The following PML variants were observed in gnomAD, a reference collection of about 807,000 sequenced individuals.
PML encodes protein PML.
In PML, 28 loss-of-function variants were observed where a neutral mutation model predicts 65.2. The ratio of observed to expected loss-of-function variants is 0.43; its 90% CI spans 0.32 to 0.59. PML has a LOEUF of 0.59. Among genes scored for constraint, PML ranks in the 20% least tolerant of loss-of-function variants. PML has a pLI of 0.08. For missense variants in PML, 1,021 were observed against 1,203.4 expected (o/e 0.85, Z 2.24); for synonymous variants, 500 against 508.8 (o/e 0.98, Z 0.23).
chr15:74,022,867 G>C lies in PML; in HGVS notation c.642G>C (p.Ser214=), dbSNP rs1465800315. The change falls in exon 3 of 9, where the codon TCG becomes TCC. Residue 214 remains serine, a synonymous_variant. Coordinates refer to ENST00000268058, the MANE Select transcript of PML (RefSeq NM_033238.3). ...GATGTTCCAAGCCGCTGTGCTGCTC[G>C]TGCGCGCTCCTTGACAGCAGCCACA... The part of the protein sequence containing the change: ...CRGCSKPLCC[S]CALLDSSHSE... The C allele has an allele frequency of 7.4e-6, 12 of 1,613,810 alleles. No homozygotes were observed. Among genetic ancestry groups the C allele is most frequent in the South Asian group, 1.1e-5 (1 of 91,018 alleles).
At chr15:74,004,304 T>C (rs970384072) in intron 2 of PML, among the ~76,000 whole-genome samples, 1 of 152,064 alleles carries the variant, frequency 6.6e-6, no homozygotes. Context: ...TTTTCATTTG[T>C]TTATTTGTTT....
chr15:73,998,124 T>C lies in PML; in HGVS notation c.250T>C (p.Ser84Pro). 1.2e-6 allele frequency: 2 copies of C among 1,614,042 alleles called. No individual in the cohort carries two copies. The highest frequency in any genetic ancestry group is 1.7e-6 in the Non-Finnish European group (2 of 1,180,022). Residue 84 changes from serine (S) to proline (P), a missense_variant, in exon 2 of 9, where the codon TCG becomes CCG. Ser to Pro is a moderately conservative substitution (Grantham distance 74). Coordinates refer to ENST00000268058, the MANE Select transcript of PML (RefSeq NM_033238.3). The part of the protein sequence containing the change: ...HTLCSGCLEA[S>P]GMQCPICQAP... ...GCTGTGCTCAGGATGCCTGGAGGCG[T>C]CGGGCATGCAGTGCCCCATCTGCCA...
chr15:74,040,765 C>A (rs2071679250), intron 7 of PML, among the ~76,000 whole-genome samples: 1 of 152,206 alleles, frequency 6.6e-6, no homozygotes, highest in Non-Finnish European at 1.5e-5. Flanking sequence ...TGAGTCAGGG[C>A]TGAAAGGTCC....
chr15:74,037,755 T>G lies in PML; in HGVS notation c.1710+3225T>G, dbSNP rs2071604790. On this transcript the variant is annotated intron_variant, in intron 7 of 8. Transcript: ENST00000268058. The surrounding 1 kb of genome is among the most constrained non-coding windows in gnomAD (Gnocchi z 4.2). The stretch of plus-strand genomic sequence containing the variant: ...ACTCCTCCCTCTCCTCTGCAGGCTC[T>G]GTTTTTTCTTGGTTGTGGTGCTCCT... 1 of 976,786 alleles carries G rather than the reference T, an allele frequency of 1.0e-6. No individual in the cohort carries two copies. The allele number at this position is 976,786 out of a possible 1,614,324, so 60.5% of individuals were successfully genotyped here.
At chr15:74,015,731 A>T (rs2070542450) in intron 2 of PML, among the ~76,000 whole-genome samples, 1 of 152,204 alleles carries the variant, frequency 6.6e-6, no homozygotes, top group African/African-American at 2.4e-5. Context: ...CAATGACTAC[A>T]TAGCACTGTG....
Position 74,044,836 on chromosome 15 carries a change from A to G in PML, c.2477A>G (p.Tyr826Cys), listed in dbSNP as rs373296015. Reference protein sequence around the residue: ...RQGGLKKYSRYLSLQTTTLPP... With the variant: ...RQGGLKKYSRCLSLQTTTLPP... ...GGGGGCCTGAAGAAGTACAGCCGCT[A>G]TCTAAGCCTGCAGACCACCACGTTG... The change falls in exon 9 of 9, where the codon TAT becomes TGT. Residue 826 changes from tyrosine to cysteine, a missense_variant. By Grantham distance (194) the Tyr-to-Cys change is radical (BLOSUM62 -2). Coordinates refer to ENST00000268058, the MANE Select transcript of PML (RefSeq NM_033238.3). 6 of 1,613,204 alleles carry G rather than the reference A, an allele frequency of 3.7e-6. No homozygotes were observed. The highest frequency in any genetic ancestry group is 1.1e-5 in the South Asian group (1 of 91,086).
Position 74,044,598 on chromosome 15 carries a change from G to T in PML, c.2239G>T (p.Val747Leu). The T allele has an allele frequency of 6.2e-7, 1 of 1,608,698 alleles. No individual in the cohort carries two copies. The change falls in exon 9 of 9, where the codon GTG becomes TTG. Residue 747 changes from valine (V) to leucine (L), a missense_variant. Val to Leu is a conservative substitution (Grantham distance 32). Transcript: ENST00000268058. ...NMSERSAMAA[V>L]LAMRDLCRLL... is the part of the protein sequence containing the mutation. ...GAGCGAGCGCAGCGCCATGGCTGCC[G>T]TGCTGGCCATGCGTGACCTGTGCCG... is the stretch of plus-strand genomic sequence containing the variant.
In PML at chr15:74,044,423, C is replaced by T. The variant is rs1252422504; in HGVS notation, c.2064C>T (p.Phe688=). ...GGGGGCCTGGCCTCCCAAACTTCTT[C>T]CGGGCCCTGGAGGACATTAACAGGC... The part of the protein sequence containing the change: ...KLWGPGLPNF[F]RALEDINRLW... The change falls in exon 9 of 9, where the codon TTC becomes TTT. Residue 688 remains phenylalanine, a synonymous_variant. Transcript: ENST00000268058. 6.2e-7 allele frequency: 1 copy of T among 1,614,228 alleles called. No homozygotes were observed. Among genetic ancestry groups the T allele is most frequent in the Non-Finnish European group, 8.5e-7 (1 of 1,180,036 alleles).
At chr15:74,001,726 T>A (rs1214670407) in intron 2 of PML, among the ~76,000 whole-genome samples, 1 of 152,222 alleles carries the variant, frequency 6.6e-6, no homozygotes, top group Non-Finnish European at 1.5e-5. Flanking sequence ...AGTGTTCTCA[T>A]AGTCAATCAT....
chr15:74,042,847 T>C lies in PML; in HGVS notation c.1711-142T>C. On this transcript the variant is annotated intron_variant, in intron 7 of 8. Transcript: ENST00000268058. This position sits in a 1 kb window ranked among gnomAD's most constrained non-coding sequence, Gnocchi z 5.3. ...CCATTCATGCACACATACCTTCTCT[T>C]GTGCACACGTCCCCTTTCCCAGTGG... 6.4e-7 allele frequency: 1 copy of C among 1,554,980 alleles called. No homozygotes were observed. Among genetic ancestry groups the C allele is most frequent in the Non-Finnish European group, 8.6e-7 (1 of 1,157,126 alleles).
chr15:73,994,732 C>G lies in PML; in HGVS notation c.-81C>G. 1.4e-6 allele frequency: 2 copies of G among 1,470,488 alleles called. No homozygotes were observed. Among genetic ancestry groups the G allele is most frequent in the Middle Eastern group, 1.9e-4 (1 of 5,234 alleles). The allele number at this position is 1,470,488 out of a possible 1,614,324, so 91.1% of individuals were successfully genotyped here. A position where few individuals can be genotyped will look rare whatever the true frequency, so the allele number is the denominator to read the frequency against. The stretch of plus-strand genomic sequence containing the variant: ...CTTTCGGACAGCTCAAGGGACTCAG[C>G]CAACTGGCTCACGCCTCCCCTTCAG... On this transcript the variant is annotated 5_prime_UTR_variant, in exon 1 of 9. Transcript: ENST00000268058.
At position 74,047,764 on chromosome 15, in the gene PML, A is replaced by G. The variant is rs1455148295; in HGVS notation, c.*2756A>G. 1.1e-5 allele frequency: 2 copies of G among 183,832 alleles called. No individual in the cohort carries two copies. The highest frequency in any genetic ancestry group is 4.7e-5 in the African/African-American group (2 of 42,624). The allele number at this position is 183,832 out of a possible 1,614,324, so 11.4% of individuals were successfully genotyped here. A position where few individuals can be genotyped will look rare whatever the true frequency, so the allele number is the denominator to read the frequency against. ...CACAAATTTAAGATCTTACTGCTTT[A>G]TAAAGTGCTTTATGAATTATAGGAA... is the stretch of plus-strand genomic sequence containing the variant. On this transcript the variant is annotated 3_prime_UTR_variant, in exon 9 of 9. Coordinates refer to ENST00000268058, the MANE Select transcript of PML (RefSeq NM_033238.3).
chr15:74,036,875 C>A, intron 7 of PML: 2 of 935,086 alleles, frequency 2.1e-6, no homozygotes, highest in Non-Finnish European at 2.6e-6. Context: ...CACTGTCGGT[C>A]CCTCAGCCGG....
At chr15:74,024,480 G>A (rs2070986577) in intron 3 of PML, among the ~76,000 whole-genome samples, 2 of 152,212 alleles carry the variant, frequency 1.3e-5, no homozygotes, top group Non-Finnish European at 2.9e-5. Context: ...ATAAAAACCA[G>A]GCTGCAGATA....
intron 2 of PML, among the ~76,000 whole-genome samples, chr15:74,017,065 G>A (rs1158907980): frequency 6.6e-6 from 1 of 151,668 alleles, no homozygotes. Flanking sequence ...CCAAAGTGCT[G>A]GGATTACAGG....
intron 2 of PML, among the ~76,000 whole-genome samples, chr15:74,007,445 G>T (rs1276562779): frequency 6.6e-6 from 1 of 152,184 alleles, no homozygotes; most frequent in African/African-American, 2.4e-5. Context: ...AAAATCATGT[G>T]CTCCCACTCC....
chr15:73,999,085 A>T (rs1387782998), intron 2 of PML, among the ~76,000 whole-genome samples: 1 of 152,214 alleles, frequency 6.6e-6, no homozygotes, highest in Non-Finnish European at 1.5e-5. Context: ...GGAGAGAGAG[A>T]GTGCAATCTT....
chr15:74,042,894 G>C lies in PML; in HGVS notation c.1711-95G>C, dbSNP rs190073882. The C allele has an allele frequency of 4.4e-6, 7 of 1,605,066 alleles. No individual in the cohort carries two copies. Among genetic ancestry groups the C allele is most frequent in the Non-Finnish European group, 5.9e-6 (7 of 1,178,704 alleles). ...GTGGTACACCCTCCTTCATGTGCAC[G>C]CAGATGCTCCCAGCTATACCAGCTT... On this transcript the variant is annotated intron_variant, in intron 7 of 8. Transcript: ENST00000268058. This position sits in a 1 kb window ranked among gnomAD's most constrained non-coding sequence, Gnocchi z 5.3.
intron 5 of PML, 146 bp from the exon 6 acceptor site, chr15:74,033,010 A>G: frequency 1.1e-6 from 1 of 876,622 alleles, no homozygotes; most frequent in South Asian, 1.4e-5. Flanking sequence ...TCCTGTCTGA[A>G]GAGAGACGTA....
Sources: allele counts gnomAD v4.1 joint callset (sites outside exome capture counted in the v4.1 genomes callset), GRCh38; gene constraint gnomAD v4.1.1; non-coding constraint Gnocchi (gnomAD v3.1); transcripts MANE v1.5; gene names NCBI Gene and HGNC (gene_info 2026-07-23, HGNC 2026-07-21).